AGMO: variants seen among roughly 807,000 people sequenced by gnomAD.
AGMO encodes the protein glyceryl-ether monooxygenase.
AGMO carries 75 observed loss-of-function variants against 60.2 expected under a neutral mutation model. The ratio of observed to expected loss-of-function variants is 1.25; its 90% CI spans 1.03 to 1.51. The LOEUF (loss-of-function observed/expected upper bound fraction) is 1.51. Among genes scored for constraint, AGMO ranks in the 40% most tolerant of loss-of-function variants. The pLI is 0.00. For missense variants in AGMO, 763 were observed against 525.5 expected, an observed-to-expected ratio of 1.45 and a Z score of -4.42; for synonymous variants, 261 against 177.1, an observed-to-expected ratio of 1.47 and a Z score of -3.76.
At position 15,529,655 on chromosome 7, in the gene AGMO, T is replaced by TATATA. The variant is rs1583651107; in HGVS notation, c.409+15116_409+15117insTATAT. On this transcript the variant is annotated intron_variant, in intron 3 of 12. Transcript: ENST00000342526. ...TAGAATATATATATATACTATATATTCTATATATATTCTATATATATTCTA... is the reference window on the plus strand; with the variant it reads ...TAGAATATATATATATACTATATATTATATACTATATATATTCTATATATATTCTA... Among the ~76,000 whole-genome samples, 9 of 7,190 alleles carry TATATA rather than the reference T, an allele frequency of 1.3e-3. 2 individuals carry two copies. The East Asian group carries it at 0.13, about 105-fold the overall frequency. 4.7% of individuals were successfully genotyped at this position (7,190 alleles called of 152,430 possible).
At chr7:15,196,269 G>A (rs923212065), downstream of AGMO, among the ~76,000 whole-genome samples, 69 of 151,684 alleles carry the variant, frequency 4.5e-4, no homozygotes, top group African/African-American at 1.4e-3. Flanking sequence ...GGCTGGTCTC[G>A]AACTCCTGAC....
At chr7:15,122,822 C>T in the AGMO span, among the ~76,000 whole-genome samples, 9 of 152,048 alleles carry the variant, frequency 5.9e-5, no homozygotes, top group Admixed American at 1.3e-4. Context: ...TTGTTTTCCT[C>T]ACTTCTCTCC....
At chr7:15,433,709 A>G (rs1411463899) in intron 3 of AGMO, among the ~76,000 whole-genome samples, 2 of 151,962 alleles carry the variant, frequency 1.3e-5, no homozygotes, top group East Asian at 1.9e-4. Context: ...AAGACTTCAT[A>G]TAATTATACA....
chr7:15,255,529 G>C (rs1001366706), intron 12 of AGMO, among the ~76,000 whole-genome samples: 3 of 28,526 alleles, frequency 1.1e-4, no homozygotes, highest in African/African-American at 5.1e-4. Flanking sequence ...AGCCATGTAA[G>C]AATACAAAAA....
At chr7:15,193,952 C>T in the AGMO span, among the ~76,000 whole-genome samples, 6 of 152,184 alleles carry the variant, frequency 3.9e-5, no homozygotes, top group African/African-American at 1.4e-4. Flanking sequence ...TAAATTTTCA[C>T]AATATACCTC....
chr7:15,240,182 T>TC (rs1238076033), intron 12 of AGMO, among the ~76,000 whole-genome samples: 1 of 152,192 alleles, frequency 6.6e-6, no homozygotes, highest in Non-Finnish European at 1.5e-5. Flanking sequence ...GTGTTAGGTC[T>TC]CTTCATATTA....
At chr7:15,492,764 G>A (rs1405129471) in intron 3 of AGMO, among the ~76,000 whole-genome samples, 1 of 152,092 alleles carries the variant, frequency 6.6e-6, no homozygotes, top group Non-Finnish European at 1.5e-5. Context: ...AGGAAGGAAG[G>A]CAGGAAGGTG....
chr7:15,154,548 C>T, the AGMO span, among the ~76,000 whole-genome samples: 1 of 152,172 alleles, frequency 6.6e-6, no homozygotes, highest in African/African-American at 2.4e-5. Flanking sequence ...GGTCTTGCTT[C>T]TTTATCTAAC....
Position 15,273,185 on chromosome 7 carries a change from G to C in AGMO, c.1264-71826C>G, listed in dbSNP as rs367830329. 8.5e-5 allele frequency among the ~76,000 whole-genome samples: 13 copies of C among 152,236 alleles called. 1 individual carries two copies. The highest frequency in any genetic ancestry group is 3.9e-4 in the Admixed American group (6 of 15,294). On this transcript the variant is annotated intron_variant, in intron 12 of 12. Transcript: ENST00000342526. Reference sequence around the variant, plus strand: ...TCTTGCCATTGCTTTTGGTGTTTTAGGCATGAAGTCCTTGCCCATGCCTAT... The same window carrying C: ...TCTTGCCATTGCTTTTGGTGTTTTACGCATGAAGTCCTTGCCCATGCCTAT...
At chr7:15,185,177 CA>C in the AGMO span, among the ~76,000 whole-genome samples, 1 of 151,922 alleles carries the variant, frequency 6.6e-6, no homozygotes, top group East Asian at 1.9e-4. Context: ...TAAATGCCTC[CA>C]AAAATACCAT....
At chr7:15,349,088 A>T in intron 12 of AGMO, among the ~76,000 whole-genome samples, 1 of 152,134 alleles carries the variant, frequency 6.6e-6, no homozygotes, top group East Asian at 1.9e-4. Flanking sequence ...GAAGGAATAT[A>T]TACCTTTGGA....
chr7:15,223,372 T>C (rs1164830019), intron 12 of AGMO, among the ~76,000 whole-genome samples: 3 of 152,000 alleles, frequency 2.0e-5, no homozygotes, highest in Non-Finnish European at 4.4e-5. Context: ...CATTGCATTA[T>C]ATTGAAATGC....
intron 3 of AGMO, among the ~76,000 whole-genome samples, chr7:15,495,314 G>C: frequency 6.6e-6 from 1 of 152,164 alleles, no homozygotes; most frequent in East Asian, 1.9e-4. Flanking sequence ...AATAGTTTTG[G>C]CATTCTTCCA....
At chr7:15,537,542 C>T (rs114708614) in intron 3 of AGMO, among the ~76,000 whole-genome samples, 3,783 of 152,098 alleles carry the variant, frequency 0.025, 144 homozygotes, top group African/African-American at 0.085. Flanking sequence ...TTAAATTTCT[C>T]GAAAATATTG....
chr7:15,286,400 A>G (rs1006524106), intron 12 of AGMO, among the ~76,000 whole-genome samples: 1 of 152,150 alleles, frequency 6.6e-6, no homozygotes, highest in Admixed American at 6.5e-5. Flanking sequence ...ATCCCATCAA[A>G]AAGTGGCCAA....
At chr7:15,432,709 C>G (rs1781289782) in intron 3 of AGMO, among the ~76,000 whole-genome samples, 1 of 151,880 alleles carries the variant, frequency 6.6e-6, no homozygotes, top group Non-Finnish European at 1.5e-5. Context: ...GTAGGAAAGA[C>G]ATTGTATTTC....
intron 3 of AGMO, among the ~76,000 whole-genome samples, chr7:15,507,612 C>T (rs778796870): frequency 2.0e-5 from 3 of 151,994 alleles, no homozygotes; most frequent in Admixed American, 2.0e-4. Flanking sequence ...AAAATTGCAG[C>T]GTCATAACTT....
chr7:15,428,401 G>A (rs886566463), intron 4 of AGMO, among the ~76,000 whole-genome samples: 20 of 152,152 alleles, frequency 1.3e-4, no homozygotes, highest in Non-Finnish European at 1.5e-4. Flanking sequence ...CTCAATGTTC[G>A]TTGCCTTATT....
intron 2 of AGMO, among the ~76,000 whole-genome samples, chr7:15,555,879 T>G (rs1785119950): frequency 6.6e-6 from 1 of 152,076 alleles, no homozygotes; most frequent in Non-Finnish European, 1.5e-5. Flanking sequence ...TTCTCTCAAA[T>G]GTAATTAACA....
Sources: gnomAD v4.1 joint callset for allele counts (sites outside exome capture counted in the v4.1 genomes callset) on GRCh38, gnomAD v4.1.1 for gene constraint, MANE v1.5 for transcripts, NCBI Gene and HGNC (gene_info 2026-07-23, HGNC 2026-07-21) for gene names.